The following PTDSS2 variants were observed in gnomAD, a reference collection of about 807,000 sequenced individuals.
The protein encoded by PTDSS2 is PSS-2.
PTDSS2 carries 41 observed loss-of-function variants against 64.7 expected under a neutral mutation model. The ratio of observed to expected loss-of-function variants is 0.63; its 90% confidence interval spans 0.49 to 0.82. The LOEUF (loss-of-function observed/expected upper bound fraction) is 0.82, where lower values mean the gene tolerates loss of function less well. Ranked by LOEUF, PTDSS2 falls within the 40% of genes least tolerant of loss-of-function variation. PTDSS2 has a pLI of 0.00. For missense variants in PTDSS2, 485 were observed against 650.0 expected, an observed-to-expected ratio of 0.75 and a Z score of 2.76; for synonymous variants, 297 against 277.8, an observed-to-expected ratio of 1.07 and a Z score of -0.69.
At chr11:477,501 G>A (rs907320801) in intron 3 of PTDSS2, among the ~76,000 whole-genome samples, 3 of 152,198 alleles carry the variant, frequency 2.0e-5, no homozygotes, top group African/African-American at 7.2e-5. Context: ...ATTCCGGGGC[G>A]GCAGCCTGGT....
At chr11:484,341 C>G (rs943433045) in intron 4 of PTDSS2, among the ~76,000 whole-genome samples, 6 of 152,228 alleles carry the variant, frequency 3.9e-5, no homozygotes, top group Non-Finnish European at 7.3e-5. Context: ...CCACCCTGGT[C>G]CTGGAATCAG....
rs547193709 is a variant in PTDSS2, at chr11:450,569, C to T, written c.114C>T (p.Thr38=). Residue 38 remains threonine (T), a synonymous_variant, in exon 1 of 12, where the codon ACC becomes ACT. Coordinates refer to ENST00000308020, the MANE Select transcript of PTDSS2 (RefSeq NM_030783.3). ...PPDGPSAGQA[T]GPGEGRRSTE... ...ACGGGCCGTCTGCCGGCCAAGCCAC[C>T]GGGCCGGGCGAGGGCCGCCGCAGCA... The T allele has an allele frequency of 1.3e-5, 16 of 1,243,210 alleles. No homozygotes were observed. In the South Asian group the frequency reaches 5.3e-4, roughly 42 times the overall value. The allele number at this position is 1,243,210 out of a possible 1,614,324, so 77.0% of individuals were successfully genotyped here. A position where few individuals can be genotyped will look rare whatever the true frequency, so the allele number is the denominator to read the frequency against.
chr11:468,298 A>G (rs930735813), intron 2 of PTDSS2, among the ~76,000 whole-genome samples: 63 of 152,360 alleles, frequency 4.1e-4, no homozygotes, highest in African/African-American at 1.5e-3. Context: ...TGAAAACATC[A>G]GTTGTTTCCC....
chr11:448,434 C>T (rs1191780943), upstream of PTDSS2: 1 of 152,330 alleles, frequency 6.6e-6, no homozygotes, highest in Non-Finnish European at 1.5e-5. Flanking sequence ...GCGCCACCTG[C>T]TGGGATGGGA....
chr11:486,453 C>A (rs1257191940), intron 4 of PTDSS2, among the ~76,000 whole-genome samples: 1 of 152,218 alleles, frequency 6.6e-6, no homozygotes, highest in East Asian at 1.9e-4. Context: ...GGGGTTCCTT[C>A]CCCACGCGCT....
At chr11:453,463 T>C (rs1377099386) in intron 1 of PTDSS2, among the ~76,000 whole-genome samples, 1 of 152,186 alleles carries the variant, frequency 6.6e-6, no homozygotes, top group Non-Finnish European at 1.5e-5. Context: ...GAGTTTTTAT[T>C]GTATGCTTGT....
At position 458,451 on chromosome 11, in the gene PTDSS2, C is replaced by T. The variant is rs61454842; in HGVS notation, c.183-1736C>T. On this transcript the variant is annotated intron_variant, in intron 1 of 11. Coordinates refer to ENST00000308020, the MANE Select transcript of PTDSS2 (RefSeq NM_030783.3). ...CGATCTCCTGACCTCGTGATCCGCC[C>T]GCCTCGGCCTCCCAAAGTGCTGGGA... is the stretch of plus-strand genomic sequence containing the variant. Among the ~76,000 whole-genome samples the T allele has an allele frequency of 1.5e-4, 22 of 151,184 alleles. 1 individual carries two copies. In the South Asian group the frequency reaches 1.9e-3, roughly 13 times the overall value.
At position 450,467 on chromosome 11, in the gene PTDSS2, C is replaced by T. The variant is rs1846263551; in HGVS notation, c.12C>T (p.Gly4=). The part of the protein sequence containing the change: MRR[G]ERRDAGGPRP... ...CGGGCCGAAACGCCATGCGGAGGGG[C>T]GAGCGCAGGGACGCCGGAGGTCCGC... The change falls in exon 1 of 12, where the codon GGC becomes GGT. Residue 4 remains glycine (G), a synonymous_variant. Transcript: ENST00000308020. 2.4e-6 allele frequency: 3 copies of T among 1,230,006 alleles called. No individual in the cohort carries two copies. The South Asian group carries it at 1.2e-4, about 51-fold the overall frequency. The allele number at this position is 1,230,006 out of a possible 1,614,324, so 76.2% of individuals were successfully genotyped here.
upstream of PTDSS2, chr11:448,539 T>G (rs1846189047): frequency 2.6e-5 from 4 of 152,358 alleles, no homozygotes; most frequent in Admixed American, 2.6e-4. Flanking sequence ...CTGGCTGCTC[T>G]GGCCACTCAG....
At chr11:489,376 G>T (rs750004407) in intron 8 of PTDSS2, 24 bp from the exon 9 acceptor site, 2 of 1,604,434 alleles carry the variant, frequency 1.2e-6, no homozygotes, top group South Asian at 2.2e-5. Flanking sequence ...GCCTTCCTCA[G>T]GCTGCCGGCT....
At chr11:457,001 G>A (rs1287332810) in intron 1 of PTDSS2, among the ~76,000 whole-genome samples, 2 of 152,172 alleles carry the variant, frequency 1.3e-5, no homozygotes, top group Non-Finnish European at 2.9e-5. Flanking sequence ...AACACTTTGG[G>A]AGGCCAAGGT....
intron 1 of PTDSS2, among the ~76,000 whole-genome samples, chr11:456,424 G>T (rs545592283): frequency 2.5e-4 from 38 of 150,908 alleles, no homozygotes; most frequent in Middle Eastern, 3.4e-3. Context: ...TGATCCTCCT[G>T]CCTCAGCCTC....
At position 470,658 on chromosome 11, in the gene PTDSS2, C is replaced by T. The variant is rs1470194983; in HGVS notation, c.285-3237C>T. On this transcript the variant is annotated intron_variant, in intron 2 of 11. Transcript: ENST00000308020. The surrounding 1 kb of genome is among the most constrained non-coding windows in gnomAD (Gnocchi z 5.3). The stretch of plus-strand genomic sequence containing the variant: ...AGGCTGGAGTGTAGTGGCGTGATCT[C>T]GGCTCACTGCAACCTCCGCCTCTCG... Among the ~76,000 whole-genome samples the T allele has an allele frequency of 2.0e-5, 3 of 152,064 alleles. No homozygotes were observed. The highest frequency in any genetic ancestry group is 2.1e-4 in the South Asian group (1 of 4,820).
Position 450,311 on chromosome 11 carries a change from C to G in PTDSS2, c.-145C>G, listed in dbSNP as rs1846253851. ...ACCGCACACCCTTTACTGGCCGGCC[C>G]CGCGCTGCTCTCCTAAGACCCCGCG... On this transcript the variant is annotated 5_prime_UTR_variant, in exon 1 of 12. Transcript: ENST00000308020. 1.6e-6 allele frequency: 1 copy of G among 618,290 alleles called. No individual in the cohort carries two copies. The highest frequency in any genetic ancestry group is 4.5e-5 in the Admixed American group (1 of 22,128). 38.3% of individuals were successfully genotyped at this position (618,290 alleles called of 1,614,324 possible).
rs558064218 is a variant in PTDSS2 at position 470,293 on chromosome 11, G to T, written c.285-3602G>T. ...GCTGCTGCCCCATCCTCCCAACCCC[G>T]ACGACCCCAGCCCGGCCATGCAGAG... On this transcript the variant is annotated intron_variant, in intron 2 of 11. Coordinates refer to ENST00000308020, the MANE Select transcript of PTDSS2 (RefSeq NM_030783.3). The surrounding 1 kb of genome is among the most constrained non-coding windows in gnomAD (Gnocchi z 5.3). Among the ~76,000 whole-genome samples, 8 of 152,164 alleles carry T rather than the reference G, an allele frequency of 5.3e-5. No homozygotes were observed. The highest frequency in any genetic ancestry group is 1.0e-4 in the Non-Finnish European group (7 of 68,026).
intron 8 of PTDSS2, among the ~76,000 whole-genome samples, chr11:489,169 G>A (rs1339706497): frequency 6.6e-6 from 1 of 152,248 alleles, no homozygotes; most frequent in East Asian, 1.9e-4. Flanking sequence ...CCGTGGAGAA[G>A]CAGGGCTTGT....
Position 461,520 on chromosome 11 carries a change from G to A in PTDSS2, c.284+1232G>A, listed in dbSNP as rs560362570. On this transcript the variant is annotated intron_variant, in intron 2 of 11. Coordinates refer to ENST00000308020, the MANE Select transcript of PTDSS2 (RefSeq NM_030783.3). The surrounding 1 kb of genome is among the most constrained non-coding windows in gnomAD (Gnocchi z 4.2). The stretch of plus-strand genomic sequence containing the variant: ...ATGAGCTCACCCTCCATCCTCACCT[G>A]GGAGGCGCAGGTGGCCTCTCCTGTC... Among the ~76,000 whole-genome samples, 1 of 152,256 alleles carries A rather than the reference G, an allele frequency of 6.6e-6. No individual in the cohort carries two copies. The highest frequency in any genetic ancestry group is 1.9e-4 in the East Asian group (1 of 5,166).
chr11:470,277 C>T lies in PTDSS2; in HGVS notation c.285-3618C>T, dbSNP rs899233673. On this transcript the variant is annotated intron_variant, in intron 2 of 11. Coordinates refer to ENST00000308020, the MANE Select transcript of PTDSS2 (RefSeq NM_030783.3). This position sits in a 1 kb window ranked among gnomAD's most constrained non-coding sequence, Gnocchi z 5.3. ...CGTGGCCGACGGGGAGGCTGCTGCC[C>T]CATCCTCCCAACCCCGACGACCCCA... Among the ~76,000 whole-genome samples the T allele has an allele frequency of 1.3e-5, 2 of 152,212 alleles. No individual in the cohort carries two copies. Among genetic ancestry groups the T allele is most frequent in the Admixed American group, 1.3e-4 (2 of 15,286 alleles).
intron 8 of PTDSS2, 31 bp downstream of exon 8, chr11:488,678 G>A (rs774190333): frequency 3.3e-6 from 5 of 1,517,168 alleles, no homozygotes; most frequent in South Asian, 2.2e-5. Context: ...GGGCAGGGCC[G>A]GGTGGGGGTT....
Sources: gnomAD v4.1 joint callset for allele counts (sites outside exome capture counted in the v4.1 genomes callset) on GRCh38, gnomAD v4.1.1 for gene constraint, Gnocchi (gnomAD v3.1) non-coding constraint, MANE v1.5 for transcripts, NCBI Gene and HGNC (gene_info 2026-07-23, HGNC 2026-07-21) for gene names.